NLRP1: variants seen among roughly 807,000 people sequenced by gnomAD.
The protein encoded by NLRP1 is NLR family pyrin domain containing 1, also known as NACHT, LRR and PYD domains-containing protein 1.
A neutral mutation model predicts 136.7 loss-of-function variants in NLRP1; 94 were observed. That is an observed-to-expected ratio of 0.69 (90% CI 0.58 to 0.82). The LOEUF is 0.82. Among genes scored for constraint, NLRP1 ranks in the 40% least tolerant of loss-of-function variants. The pLI is 0.00. For synonymous variants in NLRP1, 690 were observed against 725.1 expected (o/e 0.95, Z 0.78); for missense variants, 1,575 against 1,802.7 (o/e 0.87, Z 2.29).
chr17:5,549,423 C>T (rs907625567), intron 5 of NLRP1, among the ~76,000 whole-genome samples: 3 of 151,912 alleles, frequency 2.0e-5, no homozygotes, highest in Non-Finnish European at 4.4e-5. Context: ...GGACTGTGGG[C>T]GTGTGCCACC....
chr17:5,560,572 C>T (rs967349942), intron 3 of NLRP1, among the ~76,000 whole-genome samples: 11 of 135,712 alleles, frequency 8.1e-5, no homozygotes, highest in African/African-American at 2.7e-4. Flanking sequence ...GCCTGTAAGC[C>T]GGGTGGGCCA....
At chr17:5,544,647 G>A (rs577865899) in intron 5 of NLRP1, among the ~76,000 whole-genome samples, 15 of 152,314 alleles carry the variant, frequency 9.8e-5, no homozygotes, top group African/African-American at 3.4e-4. Context: ...CACTGTGATA[G>A]GTTGAGAGAG....
chr17:5,536,626 C>T (rs889841348), intron 8 of NLRP1, among the ~76,000 whole-genome samples: 21 of 151,998 alleles, frequency 1.4e-4, no homozygotes, highest in Middle Eastern at 3.4e-3. Flanking sequence ...AATTTTTTAG[C>T]CCACTTACTT....
chr17:5,574,067 T>G (rs1420920465), intron 3 of NLRP1, among the ~76,000 whole-genome samples: 2 of 152,188 alleles, frequency 1.3e-5, no homozygotes. Context: ...GAAAAAAGAT[T>G]AGACAAATGG....
chr17:5,502,101 A>C, intron 15 of NLRP1: 1 of 483,824 alleles, frequency 2.1e-6, no homozygotes, highest in South Asian at 2.0e-5. Context: ...GACTTCTTGC[A>C]TGGCCAGAGC....
chr17:5,557,274 G>A (rs1013236183), intron 4 of NLRP1, among the ~76,000 whole-genome samples: 3 of 152,084 alleles, frequency 2.0e-5, no homozygotes, highest in Non-Finnish European at 4.4e-5. Flanking sequence ...CAAAGTACTG[G>A]AATTACAGGT....
chr17:5,532,740 G>A, intron 11 of NLRP1, 82 bp downstream of exon 11: 2 of 1,274,742 alleles, frequency 1.6e-6, no homozygotes, highest in Non-Finnish European at 1.1e-6. Flanking sequence ...GGTAGGGGGT[G>A]GCGCTGACTG....
intron 8 of NLRP1, 98 bp downstream of exon 8, chr17:5,536,753 C>T: frequency 1.2e-6 from 1 of 808,032 alleles, no homozygotes; most frequent in Non-Finnish European, 2.1e-6. Flanking sequence ...CTGGGTTTCT[C>T]CCTGGCTGTG....
intron 3 of NLRP1, among the ~76,000 whole-genome samples, chr17:5,570,270 G>C (rs1001960840): frequency 2.0e-5 from 3 of 151,590 alleles, no homozygotes; most frequent in Admixed American, 6.6e-5. Context: ...GAGCTGAACT[G>C]AATAAAATTG....
chr17:5,536,588 C>G (rs1911100946), intron 8 of NLRP1, among the ~76,000 whole-genome samples: 1 of 151,854 alleles, frequency 6.6e-6, no homozygotes. Flanking sequence ...GTAGCTGGGA[C>G]CACAGGCACC....
intron 5 of NLRP1, among the ~76,000 whole-genome samples, chr17:5,544,864 T>C (rs1302492095): frequency 1.3e-5 from 2 of 152,042 alleles, no homozygotes; most frequent in Non-Finnish European, 2.9e-5. Flanking sequence ...CTGGGACACC[T>C]CAGAGGAGGG....
chr17:5,539,443 G>A lies in NLRP1; in HGVS notation c.2842C>T (p.His948Tyr), dbSNP rs200723981. 185 of 1,613,722 alleles carry A rather than the reference G, an allele frequency of 1.1e-4. No homozygotes were observed. Among genetic ancestry groups the A allele is most frequent in the Non-Finnish European group, 1.5e-4 (174 of 1,179,892 alleles). Residue 948 changes from histidine (H) to tyrosine (Y), a missense_variant, in exon 7 of 17, where the codon CAT (histidine) becomes TAT (tyrosine). Physicochemically the swap from His to Tyr is moderately conservative, Grantham distance 83. Transcript: ENST00000572272. Reference protein sequence around the residue: ...GVRLLCEGLRHPACKLIRLGL... With the variant: ...GVRLLCEGLRYPACKLIRLGL... ...AGGCGTATGAGTTTGCAGGCAGGATGCCTGAGCCCCTCACAGAGCAGTCGC... is the reference window on the plus strand; with the variant it reads ...AGGCGTATGAGTTTGCAGGCAGGATACCTGAGCCCCTCACAGAGCAGTCGC...
At chr17:5,533,012 C>A (rs1385967186) in intron 10 of NLRP1, 28 bp from the exon 11 acceptor site, 2 of 1,593,406 alleles carry the variant, frequency 1.3e-6, no homozygotes, top group Non-Finnish European at 1.7e-6. Context: ...CGGTCAGCTC[C>A]AGATTCTCCC....
At chr17:5,531,605 G>A (rs1910278075) in intron 11 of NLRP1, among the ~76,000 whole-genome samples, 1 of 152,178 alleles carries the variant, frequency 6.6e-6, no homozygotes, top group South Asian at 2.1e-4. Flanking sequence ...GGCTCCTCAG[G>A]TGGGTTAATA....
At chr17:5,516,670 C>T (rs773216740) in intron 15 of NLRP1, among the ~76,000 whole-genome samples, 6 of 152,226 alleles carry the variant, frequency 3.9e-5, no homozygotes, top group African/African-American at 7.2e-5. Context: ...CCTCTTTTTA[C>T]AGACGAGGGA....
intron 5 of NLRP1, among the ~76,000 whole-genome samples, chr17:5,542,530 G>A (rs1193036497): frequency 6.6e-6 from 1 of 152,032 alleles, no homozygotes; most frequent in East Asian, 1.9e-4. Context: ...AAGTCGCTTT[G>A]GTGACATCTT....
intron 3 of NLRP1, among the ~76,000 whole-genome samples, chr17:5,579,121 G>A (rs1311814252): frequency 6.6e-6 from 1 of 152,118 alleles, no homozygotes; most frequent in African/African-American, 2.4e-5. Context: ...TGGGGTTGGA[G>A]GAGGGGGGAG....
intron 3 of NLRP1, among the ~76,000 whole-genome samples, chr17:5,578,421 AC>A (rs1369956093): frequency 6.6e-6 from 1 of 152,234 alleles, no homozygotes; most frequent in Non-Finnish European, 1.5e-5. Flanking sequence ...CAAGAAAAAA[AC>A]AAACAACTCC....
chr17:5,522,163 T>A (rs181117278), intron 12 of NLRP1, among the ~76,000 whole-genome samples: 1 of 152,348 alleles, frequency 6.6e-6, no homozygotes, highest in African/African-American at 2.4e-5. Context: ...GAGTCAGGAT[T>A]TGCTGGCACT....
Sources: allele counts gnomAD v4.1 joint callset (sites outside exome capture counted in the v4.1 genomes callset), GRCh38; gene constraint gnomAD v4.1.1; transcripts MANE v1.5; gene names NCBI Gene and HGNC (gene_info 2026-07-23, HGNC 2026-07-21).